MED27: variants seen among roughly 807,000 people sequenced by gnomAD.
MED27 encodes the protein mediator complex subunit 27, also known as mediator of RNA polymerase II transcription subunit 27.
MED27 carries 30 observed loss-of-function variants against 38.2 expected under a neutral mutation model. That is an observed-to-expected ratio of 0.79 (90% CI 0.59 to 1.07). The LOEUF (loss-of-function observed/expected upper bound fraction) is 1.07, where lower values mean the gene tolerates loss of function less well. MED27 is among the 50% of genes least tolerant of loss of function. The pLI is 0.00. For missense variants in MED27, 289 were observed against 397.5 expected (o/e 0.73, Z 2.32); for synonymous variants, 122 against 153.5 (o/e 0.79, Z 1.52).
chr9:131,958,391 G>A (rs12004179), intron 3 of MED27, among the ~76,000 whole-genome samples: 5,204 of 151,964 alleles, frequency 0.034, 299 homozygotes, highest in African/African-American at 0.11. Context: ...GATTACAGGC[G>A]TGCGCCACCG....
At chr9:131,937,956 A>G (rs900522220) in intron 4 of MED27, among the ~76,000 whole-genome samples, 1 of 152,084 alleles carries the variant, frequency 6.6e-6, no homozygotes, top group East Asian at 1.9e-4. Flanking sequence ...TGTATTTTAT[A>G]TGAAGAAAAC....
chr9:131,924,711 A>C (rs1259650559), intron 4 of MED27, among the ~76,000 whole-genome samples: 1 of 152,134 alleles, frequency 6.6e-6, no homozygotes, highest in Non-Finnish European at 1.5e-5. Context: ...CACTGTTCTA[A>C]TGATACAGGT....
chr9:131,955,931 G>A (rs930083650), intron 3 of MED27, among the ~76,000 whole-genome samples: 1 of 146,386 alleles, frequency 6.8e-6, no homozygotes, highest in East Asian at 1.9e-4. Context: ...AAAAGAAAAA[G>A]AAAGTTATAG....
chr9:131,932,049 TCTC>T (rs889664751), intron 4 of MED27, among the ~76,000 whole-genome samples: 8 of 151,984 alleles, frequency 5.3e-5, no homozygotes, highest in African/African-American at 1.2e-4. Flanking sequence ...CACATATTCT[TCTC>T]CTCAGCACAC....
At chr9:132,064,960 C>T (rs575037948) in intron 2 of MED27, among the ~76,000 whole-genome samples, 1 of 152,288 alleles carries the variant, frequency 6.6e-6, no homozygotes, top group East Asian at 1.9e-4. Flanking sequence ...CACTTTAGTC[C>T]TCTGTCGACC....
At chr9:132,063,655 C>T (rs1415777844) in intron 2 of MED27, among the ~76,000 whole-genome samples, 1 of 152,244 alleles carries the variant, frequency 6.6e-6, no homozygotes, top group Non-Finnish European at 1.5e-5. Context: ...CTGCTAGTTT[C>T]TTAAACACTT....
At chr9:131,994,828 T>C (rs971954360) in intron 3 of MED27, among the ~76,000 whole-genome samples, 1 of 152,146 alleles carries the variant, frequency 6.6e-6, no homozygotes, top group Non-Finnish European at 1.5e-5. Context: ...CCTCCCCAGC[T>C]CATGCCTGTG....
chr9:132,024,327 A>G (rs759288728), intron 2 of MED27, among the ~76,000 whole-genome samples: 2 of 152,188 alleles, frequency 1.3e-5, no homozygotes, highest in Non-Finnish European at 2.9e-5. Flanking sequence ...CCTTTTACAG[A>G]TGAAGAATGG....
chr9:132,011,998 C>G (rs769797898), intron 3 of MED27, among the ~76,000 whole-genome samples: 1 of 150,736 alleles, frequency 6.6e-6, no homozygotes, highest in Admixed American at 6.6e-5. Flanking sequence ...GCCCTAATGC[C>G]TAAAATAGTT....
chr9:131,891,354 C>T (rs566034166), intron 5 of MED27, among the ~76,000 whole-genome samples: 15 of 152,328 alleles, frequency 9.8e-5, no homozygotes, highest in African/African-American at 2.6e-4. Flanking sequence ...GGCATTTAGA[C>T]GCCTTGCAGA....
At chr9:132,015,691 C>T (rs983565572) in intron 2 of MED27, among the ~76,000 whole-genome samples, 6 of 152,196 alleles carry the variant, frequency 3.9e-5, no homozygotes, top group African/African-American at 1.4e-4. Context: ...TCACTCCTTG[C>T]TAAATGAAGT....
chr9:132,057,599 T>C lies in MED27; in HGVS notation c.348+19843A>G, dbSNP rs188513386. Among the ~76,000 whole-genome samples the C allele has an allele frequency of 1.5e-3, 224 of 152,356 alleles. 1 individual carries two copies. The highest frequency in any genetic ancestry group is 5.3e-3 in the African/African-American group (219 of 41,580). On this transcript the variant is annotated intron_variant, in intron 2 of 7. Coordinates refer to ENST00000292035, the MANE Select transcript of MED27 (RefSeq NM_004269.4). ...CTTAGTGGGACCTCCTTAAACTTCA[T>C]TTGCTCTAGGATAGACATAAGCCAA...
chr9:131,874,364 C>T (rs1838890382), intron 6 of MED27, among the ~76,000 whole-genome samples: 1 of 152,200 alleles, frequency 6.6e-6, no homozygotes, highest in South Asian at 2.1e-4. Flanking sequence ...AAGCTGTGCT[C>T]TCCTTGAGGC....
intron 2 of MED27, among the ~76,000 whole-genome samples, chr9:132,015,799 T>C (rs574416577): frequency 2.0e-5 from 3 of 152,208 alleles, no homozygotes; most frequent in African/African-American, 7.2e-5. Flanking sequence ...AATATCGCTA[T>C]AATAAAATTA....
chr9:132,071,790 C>T (rs1049924842), intron 2 of MED27, among the ~76,000 whole-genome samples: 1 of 150,934 alleles, frequency 6.6e-6, no homozygotes, highest in Non-Finnish European at 1.5e-5. Context: ...CATGAACGAG[C>T]ACACATGCAT....
intron 4 of MED27, among the ~76,000 whole-genome samples, chr9:131,914,208 A>C (rs892898009): frequency 7.4e-4 from 112 of 152,212 alleles, no homozygotes; most frequent in African/African-American, 2.7e-3. Flanking sequence ...ACGATGAACA[A>C]ACTCAAGACA....
chr9:131,944,530 CTTT>C (rs35269307), intron 3 of MED27, among the ~76,000 whole-genome samples: 5 of 141,064 alleles, frequency 3.5e-5, no homozygotes, highest in Admixed American at 7.1e-5. Context: ...GGTTTTTAGT[CTTT>C]TTTTTTTTTT....
At chr9:132,010,527 G>A (rs1474776731) in intron 3 of MED27, among the ~76,000 whole-genome samples, 1 of 152,190 alleles carries the variant, frequency 6.6e-6, no homozygotes, top group African/African-American at 2.4e-5. Flanking sequence ...CCATCCCATT[G>A]CTGGGTATAT....
intron 2 of MED27, among the ~76,000 whole-genome samples, chr9:132,075,645 C>A (rs1468973082): frequency 1.3e-5 from 2 of 152,176 alleles, no homozygotes; most frequent in Non-Finnish European, 2.9e-5. Flanking sequence ...GTCATCACTT[C>A]AATGTAAGAC....
Sources: allele counts gnomAD v4.1 joint callset (sites outside exome capture counted in the v4.1 genomes callset), GRCh38; gene constraint gnomAD v4.1.1; transcripts MANE v1.5; gene names NCBI Gene and HGNC (gene_info 2026-07-23, HGNC 2026-07-21).